The following RORB variants were observed in gnomAD, a reference collection of about 807,000 sequenced individuals.
RORB encodes nuclear receptor ROR-beta.
In RORB, 6 loss-of-function variants were observed where a neutral mutation model predicts 59.1. The observed-to-expected ratio is 0.10, with a 90% CI of 0.06 to 0.20. The LOEUF is 0.20. RORB is among the 10% of genes least tolerant of loss of function. The pLI is 1.00. For synonymous variants in RORB, 215 were observed against 204.5 expected (o/e 1.05, Z -0.44); for missense variants, 320 against 560.5 (o/e 0.57, Z 4.33).
At chr9:74,653,676 C>T (rs143948617) in intron 4 of RORB, among the ~76,000 whole-genome samples, 50 of 152,254 alleles carry the variant, frequency 3.3e-4, no homozygotes, top group African/African-American at 1.2e-3. Context: ...GGTAATAACA[C>T]CGAAAGCAGC....
intron 9 of RORB, among the ~76,000 whole-genome samples, chr9:74,679,143 G>T (rs1403576771): frequency 6.6e-6 from 1 of 151,932 alleles, no homozygotes; most frequent in Non-Finnish European, 1.5e-5. Flanking sequence ...AGAGATTTGG[G>T]TTCACTTTCA....
At chr9:74,520,181 A>G (rs1199720881) in intron 1 of RORB, among the ~76,000 whole-genome samples, 2 of 151,960 alleles carry the variant, frequency 1.3e-5, no homozygotes, top group African/African-American at 2.4e-5. Context: ...CCAGACAATC[A>G]GTGGGAGGGA....
At chr9:74,517,154 A>C (rs1482656786) in intron 1 of RORB, among the ~76,000 whole-genome samples, 1 of 152,064 alleles carries the variant, frequency 6.6e-6, no homozygotes, top group Non-Finnish European at 1.5e-5. Flanking sequence ...ATCTGAGTCT[A>C]CTTTCAAATA....
chr9:74,507,461 A>G (rs1412322332), intron 1 of RORB, among the ~76,000 whole-genome samples: 1 of 152,086 alleles, frequency 6.6e-6, no homozygotes, highest in East Asian at 1.9e-4. Flanking sequence ...TTGACAGGCT[A>G]CATTTAAAAA....
At chr9:74,543,331 A>C (rs925612358) in intron 1 of RORB, among the ~76,000 whole-genome samples, 2 of 152,130 alleles carry the variant, frequency 1.3e-5, no homozygotes, top group African/African-American at 4.8e-5. Flanking sequence ...GGTGTGGAAC[A>C]CCCCTTTGAG....
chr9:74,554,072 C>G (rs2031196), intron 1 of RORB, among the ~76,000 whole-genome samples: 88,267 of 152,006 alleles, frequency 0.58, 26,511 homozygotes, highest in African/African-American at 0.72. Context: ...GAGATGGAGT[C>G]CAACAATTGG....
At chr9:74,648,263 C>A (rs1812285136) in intron 4 of RORB, among the ~76,000 whole-genome samples, 1 of 152,208 alleles carries the variant, frequency 6.6e-6, no homozygotes. Context: ...CAACCACACA[C>A]CCTTTGCAGG....
At chr9:74,628,834 A>ATCAC (rs2118410022) in intron 1 of RORB, among the ~76,000 whole-genome samples, 1 of 152,326 alleles carries the variant, frequency 6.6e-6, no homozygotes, top group East Asian at 1.9e-4. Flanking sequence ...AGACATAGGA[A>ATCAC]TCACTACATT....
intron 1 of RORB, among the ~76,000 whole-genome samples, chr9:74,576,336 C>T (rs769485179): frequency 1.3e-5 from 2 of 152,052 alleles, no homozygotes; most frequent in Non-Finnish European, 2.9e-5. Context: ...ATTAACTGGA[C>T]GAGCCTTGCA....
intron 3 of RORB, among the ~76,000 whole-genome samples, chr9:74,640,659 A>T (rs1407653972): frequency 6.6e-6 from 1 of 152,136 alleles, no homozygotes; most frequent in Non-Finnish European, 1.5e-5. Flanking sequence ...CCTCACATCC[A>T]CAATCCAGCA....
Position 74,690,701 on chromosome 9 carries a change from T to C in RORB, c.*5083T>C, listed in dbSNP as rs759255980. The C allele has an allele frequency of 5.3e-5, 8 of 152,210 alleles. No homozygotes were observed. Among genetic ancestry groups the C allele is most frequent in the Admixed American group, 2.0e-4 (3 of 15,276 alleles). The allele number at this position is 152,210 out of a possible 1,614,324, so 9.4% of individuals were successfully genotyped here. A position where few individuals can be genotyped will look rare whatever the true frequency, so the allele number is the denominator to read the frequency against. On this transcript the variant is annotated 3_prime_UTR_variant, in exon 10 of 10. Coordinates refer to ENST00000376896, the MANE Select transcript of RORB (RefSeq NM_006914.4). Reference sequence around the variant, plus strand: ...GGAGGGGATGGAGATCTTCCCCTTCTAATACTCAATTTTGTTTTGGTATTT... The same window carrying C: ...GGAGGGGATGGAGATCTTCCCCTTCCAATACTCAATTTTGTTTTGGTATTT...
At chr9:74,615,844 A>G (rs1255523286) in intron 1 of RORB, among the ~76,000 whole-genome samples, 1 of 152,186 alleles carries the variant, frequency 6.6e-6, no homozygotes, top group East Asian at 1.9e-4. Flanking sequence ...TTATATATAA[A>G]TACTGTCATA....
intron 1 of RORB, among the ~76,000 whole-genome samples, chr9:74,514,768 C>T (rs531265286): frequency 6.6e-6 from 1 of 150,880 alleles, no homozygotes; most frequent in Non-Finnish European, 1.5e-5. Flanking sequence ...CCAAGGAGCC[C>T]TATTTCTAGA....
intron 2 of RORB, 66 bp downstream of exon 2, chr9:74,630,433 G>A (rs565266096): frequency 7.0e-5 from 62 of 890,962 alleles, no homozygotes; most frequent in African/African-American, 5.3e-4. Context: ...CACAAGATGC[G>A]GTGACACGTT....
intron 7 of RORB, among the ~76,000 whole-genome samples, chr9:74,667,269 T>C (rs1307300607): frequency 6.6e-6 from 1 of 152,210 alleles, no homozygotes; most frequent in African/African-American, 2.4e-5. Context: ...TCCAAGGAAA[T>C]TGCGAAACTG....
At chr9:74,546,172 A>C (rs1826486344) in intron 1 of RORB, among the ~76,000 whole-genome samples, 1 of 152,216 alleles carries the variant, frequency 6.6e-6, no homozygotes. Flanking sequence ...GATGGGAAGC[A>C]AAAAATGATT....
Position 74,573,466 on chromosome 9 carries a change from A to T in RORB, c.8-56816A>T, listed in dbSNP as rs930876922. 0.026 allele frequency among the ~76,000 whole-genome samples: 131 copies of T among 5,044 alleles called. 4 individuals carry two copies. In the South Asian group the frequency reaches 0.5, roughly 19 times the overall value. 3.3% of individuals were successfully genotyped at this position (5,044 alleles called of 152,430 possible). On this transcript the variant is annotated intron_variant, in intron 1 of 9. Coordinates refer to ENST00000376896, the MANE Select transcript of RORB (RefSeq NM_006914.4). ...ACCAAAGGCTGAGCTTTTGTTATTA[A>T]AAAAAAAAAAAAAAAAAAACTGGGC...
chr9:74,580,377 T>A (rs1822704370), intron 1 of RORB, among the ~76,000 whole-genome samples: 1 of 152,188 alleles, frequency 6.6e-6, no homozygotes, highest in African/African-American at 2.4e-5. Flanking sequence ...TTTGCCAAGA[T>A]TTGCATGGAT....
chr9:74,568,261 ATT>A (rs756265351), intron 1 of RORB, among the ~76,000 whole-genome samples: 1 of 147,696 alleles, frequency 6.8e-6, no homozygotes. Flanking sequence ...CTATTTATGT[ATT>A]TTTTTTTTTG....
Sources: gnomAD v4.1 joint callset for allele counts (sites outside exome capture counted in the v4.1 genomes callset) on GRCh38, gnomAD v4.1.1 for gene constraint, MANE v1.5 for transcripts, NCBI Gene and HGNC (gene_info 2026-07-23, HGNC 2026-07-21) for gene names.